Variants in ASAP1 observed in about 807,000 individuals in gnomAD.
ASAP1 encodes arf-GAP with SH3 domain, ANK repeat and PH domain-containing protein 1.
A neutral mutation model predicts 145.2 loss-of-function variants in ASAP1; 43 were observed. That is an observed-to-expected ratio of 0.30 (90% CI 0.23 to 0.38). The LOEUF (loss-of-function observed/expected upper bound fraction) is 0.38. ASAP1 is among the 10% of genes least tolerant of loss of function. The pLI is 1.00. For synonymous variants in ASAP1, 546 were observed against 515.5 expected (o/e 1.06, Z -0.80); for missense variants, 1,018 against 1,355.3 (o/e 0.75, Z 3.91).
At position 130,390,939 on chromosome 8, in the gene ASAP1, G is replaced by GC. The variant is rs1231776626; in HGVS notation, c.59+10945dup. On this transcript the variant is annotated intron_variant, in intron 2 of 29. Transcript: ENST00000518721. ...TTCCACTTCTGGGTATATATCCCCC[G>GC]CCCCCCCAAAATTGAAAGCAGGATC... Among the ~76,000 whole-genome samples, 9 of 141,966 alleles carry GC rather than the reference G, an allele frequency of 6.3e-5. No homozygotes were observed. The East Asian group carries it at 7.8e-4, about 12-fold the overall frequency. 93.1% of individuals were successfully genotyped at this position (141,966 alleles called of 152,430 possible).
chr8:130,147,068 A>G (rs1323043696), intron 13 of ASAP1, among the ~76,000 whole-genome samples: 2 of 151,824 alleles, frequency 1.3e-5, no homozygotes, highest in African/African-American at 2.4e-5. Flanking sequence ...TCTACTAAAA[A>G]TACTAAAAAT....
intron 3 of ASAP1, among the ~76,000 whole-genome samples, chr8:130,251,725 C>G (rs1219864669): frequency 6.6e-6 from 1 of 152,078 alleles, no homozygotes; most frequent in Non-Finnish European, 1.5e-5. Context: ...CCCAGAAGAA[C>G]AGAGGGACAA....
intron 9 of ASAP1, among the ~76,000 whole-genome samples, chr8:130,174,053 A>ACT (rs2136122505): frequency 7.6e-6 from 1 of 132,310 alleles, no homozygotes; most frequent in South Asian, 2.4e-4. Flanking sequence ...ACGCCACTGT[A>ACT]CTCCCACCTG....
At position 130,160,489 on chromosome 8, in the gene ASAP1, A is replaced by G. The variant is rs1441802292; in HGVS notation, c.910-525T>C. On this transcript the variant is annotated intron_variant, in intron 11 of 29. Coordinates refer to ENST00000518721, the MANE Select transcript of ASAP1 (RefSeq NM_018482.4). ...CTCATTTTGTAATTAGTGCTCTGTA[A>G]AATATACCTATAACCACATTTTTTA... Among the ~76,000 whole-genome samples the G allele has an allele frequency of 2.6e-5, 4 of 152,362 alleles. No individual in the cohort carries two copies. The South Asian group carries it at 8.3e-4, about 32-fold the overall frequency.
chr8:130,276,728 A>ACACACACACACACACTCTCT (rs548512902), intron 3 of ASAP1, among the ~76,000 whole-genome samples: 3 of 87,272 alleles, frequency 3.4e-5, no homozygotes, highest in East Asian at 4.9e-4. Context: ...ACACACACAC[A>ACACACACACACACACTCTCT]CTCTCTCTCT....
rs190061330 is a variant in ASAP1 at position 130,360,243 on chromosome 8, G to A, written c.60-2100C>T. 3.9e-4 allele frequency among the ~76,000 whole-genome samples: 60 copies of A among 152,322 alleles called. No homozygotes were observed. In the East Asian group the frequency reaches 0.011, roughly 27 times the overall value. On this transcript the variant is annotated intron_variant, in intron 2 of 29. Transcript: ENST00000518721. ...TATAGTATAAAGAATCTGCAGAGAA[G>A]GCTTTGCTGACAAGGTGACATCTTG...
intron 13 of ASAP1, among the ~76,000 whole-genome samples, chr8:130,149,124 G>A (rs967112153): frequency 7.3e-5 from 11 of 149,808 alleles, no homozygotes; most frequent in African/African-American, 9.9e-5. Context: ...AGGCATGAGC[G>A]GATTACAGGC....
Position 130,072,824 on chromosome 8 carries a change from T to TGTGTGCGC in ASAP1, c.2701+3523_2701+3524insGCGCACAC. On this transcript the variant is annotated intron_variant, in intron 27 of 29. Coordinates refer to ENST00000518721, the MANE Select transcript of ASAP1 (RefSeq NM_018482.4). ...GTGTGTGTGTGTGTGTGTGTGTGTG[T>TGTGTGCGC]GCGCGCGGGGGGGGGCAGTTTTGGG... Among the ~76,000 whole-genome samples, 22 of 32,306 alleles carry TGTGTGCGC rather than the reference T, an allele frequency of 6.8e-4. 2 individuals carry two copies. The highest frequency in any genetic ancestry group is 2.2e-3 in the Admixed American group (6 of 2,782). The allele number at this position is 32,306 out of a possible 152,430, so 21.2% of individuals were successfully genotyped here. A position where few individuals can be genotyped will look rare whatever the true frequency, so the allele number is the denominator to read the frequency against.
rs1274541705 is a variant in ASAP1, at chr8:130,403,571, T to G, written c.-27-1601A>C. On this transcript the variant is annotated intron_variant, in intron 1 of 29. Transcript: ENST00000518721. ...TTCTTTTTCTTTTTTTTTTTTTTTT[T>G]GTGAGACAGTTTCACTCGTTGCCCA... 2.7e-5 allele frequency among the ~76,000 whole-genome samples: 4 copies of G among 150,312 alleles called. No individual in the cohort carries two copies. The South Asian group carries it at 6.3e-4, about 24-fold the overall frequency.
At chr8:130,335,931 T>C (rs1013140707) in intron 3 of ASAP1, among the ~76,000 whole-genome samples, 2 of 152,232 alleles carry the variant, frequency 1.3e-5, no homozygotes, top group African/African-American at 4.8e-5. Flanking sequence ...AAGAAAAAAG[T>C]GTGAACTCCA....
intron 3 of ASAP1, among the ~76,000 whole-genome samples, chr8:130,261,639 A>G (rs566254387): frequency 3.3e-5 from 5 of 152,168 alleles, no homozygotes; most frequent in Non-Finnish European, 5.9e-5. Flanking sequence ...TTAGAGGCTG[A>G]TAACTCCTCA....
At chr8:130,258,462 G>A (rs967499375) in intron 3 of ASAP1, among the ~76,000 whole-genome samples, 3 of 152,140 alleles carry the variant, frequency 2.0e-5, no homozygotes, top group East Asian at 1.9e-4. Flanking sequence ...TAAGTCCCAC[G>A]GATGTTTTAA....
At chr8:130,340,956 TTTTG>T (rs1246176266) in intron 3 of ASAP1, 1 of 428,882 alleles carries the variant, frequency 2.3e-6, no homozygotes, top group Admixed American at 2.6e-5. Flanking sequence ...TTTTTTTTGT[TTTTG>T]TTTTTGTTTT....
intron 4 of ASAP1, among the ~76,000 whole-genome samples, chr8:130,222,584 T>C (rs1470029786): frequency 6.6e-6 from 1 of 152,126 alleles, no homozygotes. Context: ...TGCCACAATA[T>C]CTATTCAGAA....
chr8:130,357,983 G>GA, intron 3 of ASAP1, 34 bp downstream of exon 3: 1 of 1,585,198 alleles, frequency 6.3e-7, no homozygotes, highest in African/African-American at 1.3e-5. Flanking sequence ...CGGCAGCGGC[G>GA]AGCGTGGACG....
chr8:130,372,817 T>C (rs955688149), intron 2 of ASAP1, among the ~76,000 whole-genome samples: 3 of 152,110 alleles, frequency 2.0e-5, no homozygotes, highest in Non-Finnish European at 2.9e-5. Context: ...TACAGTCCTT[T>C]CTCCAGGACT....
intron 13 of ASAP1, among the ~76,000 whole-genome samples, chr8:130,149,585 A>G (rs1349879176): frequency 6.6e-6 from 1 of 152,134 alleles, no homozygotes; most frequent in Non-Finnish European, 1.5e-5. Flanking sequence ...CACTTTGATA[A>G]GAACAATTTG....
At chr8:130,306,666 G>A (rs1823011050) in intron 3 of ASAP1, among the ~76,000 whole-genome samples, 1 of 152,152 alleles carries the variant, frequency 6.6e-6, no homozygotes, top group Admixed American at 6.5e-5. Flanking sequence ...ATTAGCAGAT[G>A]TAAGGATGAA....
intron 18 of ASAP1, among the ~76,000 whole-genome samples, chr8:130,120,575 G>A (rs1023153236): frequency 6.6e-6 from 1 of 152,210 alleles, no homozygotes; most frequent in Non-Finnish European, 1.5e-5. Flanking sequence ...CAAAGTTGCG[G>A]GGAGGTAGAT....
Sources: allele counts gnomAD v4.1 joint callset (sites outside exome capture counted in the v4.1 genomes callset), GRCh38; gene constraint gnomAD v4.1.1; transcripts MANE v1.5; gene names NCBI Gene and HGNC (gene_info 2026-07-23, HGNC 2026-07-21).